Variants in RTN3 observed in about 807,000 individuals in gnomAD.
The protein encoded by RTN3 is reticulon-3.
Under a neutral mutation model 77.8 loss-of-function variants are expected in RTN3, and 49 were observed. The observed-to-expected ratio is 0.63, with a 90% CI of 0.50 to 0.80. The LOEUF (loss-of-function observed/expected upper bound fraction) is 0.80. RTN3 is among the 30% of genes least tolerant of loss of function. The pLI is 0.00. For synonymous variants in RTN3, 464 were observed against 446.9 expected, an observed-to-expected ratio of 1.04 and a Z score of -0.48; for missense variants, 1,236 against 1,211.9, an observed-to-expected ratio of 1.02 and a Z score of -0.29.
rs776037471 is a variant in RTN3 at position 63,720,186 on chromosome 11, T to C, written c.1684T>C (p.Ser562Pro). The C allele has an allele frequency of 1.2e-6, 2 of 1,614,154 alleles. No homozygotes were observed. The highest frequency in any genetic ancestry group is 1.6e-4 in the Middle Eastern group (1 of 6,062). The change falls in exon 3 of 9, where the codon TCT (serine) becomes CCT (proline). Residue 562 changes from serine (S) to proline (P), a missense_variant. Physicochemically the swap from Ser to Pro is moderately conservative, Grantham distance 74. Transcript: ENST00000377819. ...SKNFEELVSD[S>P]ELHQDQPDIL... ...AAACTTTGAAGAATTGGTCAGTGAC[T>C]CTGAGCTGCATCAAGATCAGCCTGA...
intron 2 of RTN3, among the ~76,000 whole-genome samples, chr11:63,714,820 C>A (rs1398235679): frequency 1.3e-5 from 2 of 152,052 alleles, no homozygotes; most frequent in Non-Finnish European, 2.9e-5. Context: ...CCTAGAGAAT[C>A]CTTAATGTTT....
intron 3 of RTN3, among the ~76,000 whole-genome samples, chr11:63,735,392 A>G (rs1438313042): frequency 6.6e-6 from 1 of 152,232 alleles, no homozygotes; most frequent in Non-Finnish European, 1.5e-5. Flanking sequence ...AGACCGCAGT[A>G]CTAAAAGCTA....
chr11:63,688,380 G>A (rs991471983), intron 1 of RTN3, among the ~76,000 whole-genome samples: 16 of 152,004 alleles, frequency 1.1e-4, no homozygotes, highest in Non-Finnish European at 1.5e-4. Context: ...CCACCACCAC[G>A]CCTGGCTAAT....
chr11:63,743,816 T>C (rs1193750121), intron 3 of RTN3, among the ~76,000 whole-genome samples: 2 of 152,006 alleles, frequency 1.3e-5, no homozygotes, highest in Admixed American at 1.3e-4. Flanking sequence ...CTCAGGAAGC[T>C]GAGGCAGGAG....
chr11:63,683,321 A>G (rs1208903897), intron 1 of RTN3, among the ~76,000 whole-genome samples: 4 of 152,212 alleles, frequency 2.6e-5, no homozygotes, highest in African/African-American at 9.7e-5. Context: ...TAACTTAGCA[A>G]CTTGATCTTT....
intron 3 of RTN3, among the ~76,000 whole-genome samples, chr11:63,729,091 CAA>C (rs934062312): frequency 6.6e-6 from 1 of 150,994 alleles, no homozygotes; most frequent in African/African-American, 2.4e-5. Flanking sequence ...ACAAAAAAAA[CAA>C]AAAAACTGCA....
intron 7 of RTN3, among the ~76,000 whole-genome samples, chr11:63,755,410 C>T (rs906738332): frequency 2.0e-4 from 30 of 152,026 alleles, no homozygotes; most frequent in African/African-American, 6.3e-4. Flanking sequence ...CTTTGGGAGG[C>T]GGAGGCAGGT....
intron 3 of RTN3, among the ~76,000 whole-genome samples, chr11:63,735,587 TCTCTCTCTCTC>T (rs2013055158): frequency 6.7e-6 from 1 of 149,314 alleles, no homozygotes; most frequent in African/African-American, 2.5e-5. Flanking sequence ...TCTCTCTCTC[TCTCTCTCTCTC>T]TCTTTCTTTC....
intron 7 of RTN3, among the ~76,000 whole-genome samples, chr11:63,755,558 G>A (rs986224339): frequency 9.4e-5 from 14 of 149,706 alleles, no homozygotes; most frequent in African/African-American, 3.2e-4. Context: ...GGCTGAGGCA[G>A]GAGAATTGCT....
intron 3 of RTN3, chr11:63,747,083 T>A: frequency 2.3e-6 from 1 of 440,746 alleles, no homozygotes; most frequent in South Asian, 1.6e-5. Context: ...TATAGGCCAG[T>A]TGTTTTGTAG....
At chr11:63,703,876 A>G (rs909010352) in intron 1 of RTN3, among the ~76,000 whole-genome samples, 3 of 152,066 alleles carry the variant, frequency 2.0e-5, no homozygotes, top group Non-Finnish European at 2.9e-5. Context: ...AAATATGTCC[A>G]TAGTATATAT....
Position 63,725,444 on chromosome 11 carries a change from C to T in RTN3, c.2530+4412C>T, listed in dbSNP as rs531619675. Among the ~76,000 whole-genome samples, 207 of 139,008 alleles carry T rather than the reference C, an allele frequency of 1.5e-3. 1 individual carries two copies. Among genetic ancestry groups the T allele is most frequent in the African/African-American group, 4.5e-3 (175 of 38,484 alleles). 91.2% of individuals were successfully genotyped at this position (139,008 alleles called of 152,430 possible). ...AGTTAACATTCTTCTTTTTTTTTTT[C>T]CTTTTTCTTTTTCTTTTTTGAGATG... On this transcript the variant is annotated intron_variant, in intron 3 of 8. Transcript: ENST00000377819.
In RTN3 at chr11:63,720,258, C is replaced by T; in HGVS notation, c.1756C>T (p.Pro586Ser). The T allele has an allele frequency of 1.2e-6, 2 of 1,613,936 alleles. No individual in the cohort carries two copies. Among genetic ancestry groups the T allele is most frequent in the South Asian group, 2.2e-5 (2 of 91,026 alleles). ...PASEAACSKV[P>S]DTNVSLEDVS... The stretch of plus-strand genomic sequence containing the variant: ...TAGTGAGGCAGCATGTTCAAAAGTA[C>T]CCGATACGAATGTCTCCTTAGAAGA... Residue 586 changes from proline to serine, a missense_variant, in exon 3 of 9, where the codon CCC (proline) becomes TCC (serine). By Grantham distance (74) the Pro-to-Ser change is moderately conservative. This residue lies in a region of RTN3 where 1,056 missense variants were observed against 990.4 expected (regional missense o/e 1.07). Coordinates refer to ENST00000377819, the MANE Select transcript of RTN3 (RefSeq NM_001265589.2).
intron 4 of RTN3, among the ~76,000 whole-genome samples, chr11:63,750,666 G>C (rs866669355): frequency 2.8e-4 from 43 of 151,918 alleles, no homozygotes; most frequent in African/African-American, 9.9e-4. Flanking sequence ...TGGTCAGGCT[G>C]GTCTCAAACT....
intron 1 of RTN3, among the ~76,000 whole-genome samples, chr11:63,700,349 C>G (rs192775633): frequency 6.9e-6 from 1 of 143,908 alleles, no homozygotes; most frequent in Non-Finnish European, 1.5e-5. Flanking sequence ...GATCACGGTT[C>G]ACTGCAGCCT....
chr11:63,753,414 G>A (rs2014204851), intron 6 of RTN3, among the ~76,000 whole-genome samples: 1 of 152,214 alleles, frequency 6.6e-6, no homozygotes, highest in African/African-American at 2.4e-5. Context: ...AACCATTTTG[G>A]TAATTTGGAA....
At chr11:63,692,557 G>A (rs1225089635) in intron 1 of RTN3, among the ~76,000 whole-genome samples, 2 of 152,062 alleles carry the variant, frequency 1.3e-5, no homozygotes, top group Non-Finnish European at 2.9e-5. Context: ...AGGAGATGGA[G>A]ACCATCCTGG....
intron 4 of RTN3, 185 bp downstream of exon 4, chr11:63,750,383 A>G (rs565504245): frequency 3.4e-6 from 2 of 585,740 alleles, no homozygotes; most frequent in South Asian, 2.2e-5. Context: ...TTAGAAGCCA[A>G]GAACTTTTTG....
intron 3 of RTN3, among the ~76,000 whole-genome samples, chr11:63,738,109 AAAG>A (rs1362375621): frequency 6.6e-6 from 1 of 152,230 alleles, no homozygotes; most frequent in Non-Finnish European, 1.5e-5. Context: ...TAACCAAAGA[AAAG>A]AAATAATCTG....
Sources: gnomAD v4.1 joint callset for allele counts (sites outside exome capture counted in the v4.1 genomes callset) on GRCh38, gnomAD v4.1.1 for gene constraint, gnomAD v4.1.1 regional missense constraint, MANE v1.5 for transcripts, NCBI Gene and HGNC (gene_info 2026-07-23, HGNC 2026-07-21) for gene names.